Variants in KDELR2 observed in about 807,000 individuals in gnomAD.
KDELR2 encodes the protein ER lumen protein-retaining receptor 2.
KDELR2 carries 15 observed loss-of-function variants against 23.9 expected under a neutral mutation model. The ratio of observed to expected loss-of-function variants is 0.63; its 90% CI spans 0.42 to 0.97. The LOEUF (loss-of-function observed/expected upper bound fraction) is 0.97. Ranked by LOEUF, KDELR2 falls within the 50% of genes least tolerant of loss-of-function variation. The pLI is 0.00. For missense variants in KDELR2, 272 were observed against 254.6 expected (o/e 1.07, Z -0.46); for synonymous variants, 119 against 106.2 (o/e 1.12, Z -0.74).
Position 6,484,137 on chromosome 7 carries a change from A to G in KDELR2, c.-80T>C. 1 of 1,127,716 alleles carries G rather than the reference A, an allele frequency of 8.9e-7. No homozygotes were observed. The highest frequency in any genetic ancestry group is 1.1e-6 in the Non-Finnish European group (1 of 889,708). 69.9% of individuals were successfully genotyped at this position (1,127,716 alleles called of 1,614,324 possible). A position where few individuals can be genotyped will look rare whatever the true frequency, so the allele number is the denominator to read the frequency against. Reference sequence around the variant, plus strand: ...TCAGGAGGCGGCGGCCCCTGAGAGGAAGCGGCGAAGATGGCGAGATCGCCC... The same window carrying G: ...TCAGGAGGCGGCGGCCCCTGAGAGGGAGCGGCGAAGATGGCGAGATCGCCC... On this transcript the variant is annotated 5_prime_UTR_variant, in exon 1 of 5. Transcript: ENST00000258739.
At chr7:6,468,696 G>A (rs927933803) in intron 3 of KDELR2, among the ~76,000 whole-genome samples, 28 of 151,840 alleles carry the variant, frequency 1.8e-4, no homozygotes, top group African/African-American at 5.8e-4. Flanking sequence ...TAGTAGAGAC[G>A]GGGTTTCACC....
rs1383356627 is a variant in KDELR2 at position 6,481,968 on chromosome 7, C to CGTTT, written c.91+1995_91+1998dup. Among the ~76,000 whole-genome samples the CGTTT allele has an allele frequency of 2.2e-4, 31 of 142,616 alleles. No individual in the cohort carries two copies. The East Asian group carries it at 2.9e-3, about 14-fold the overall frequency. The allele number at this position is 142,616 out of a possible 152,430, so 93.6% of individuals were successfully genotyped here. A position where few individuals can be genotyped will look rare whatever the true frequency, so the allele number is the denominator to read the frequency against. ...AACAATAGCACCTACCTCCTAAGGTCGTTTATTTATTTATTTATTTATTTA... is the reference window on the plus strand; with the variant it reads ...AACAATAGCACCTACCTCCTAAGGTCGTTTGTTTATTTATTTATTTATTTATTTA... On this transcript the variant is annotated intron_variant, in intron 1 of 4. Transcript: ENST00000258739.
rs201529691 is a variant in KDELR2, at chr7:6,464,734, CTTT to C, written c.604+1334_604+1336del. Reference sequence around the variant, plus strand: ...ATAAGACATATATGCTCTTTTTTTTCTTTTTTTTTTTTTTTTTTGAGACAGAGT... The same window carrying C: ...ATAAGACATATATGCTCTTTTTTTTCTTTTTTTTTTTTTTTGAGACAGAGT... On this transcript the variant is annotated intron_variant, in intron 4 of 4. Transcript: ENST00000258739. Among the ~76,000 whole-genome samples the C allele has an allele frequency of 9.1e-3, 1,012 of 111,202 alleles. 19 individuals carry two copies. The highest frequency in any genetic ancestry group is 0.017 in the African/African-American group (534 of 30,532). The allele number at this position is 111,202 out of a possible 152,430, so 73.0% of individuals were successfully genotyped here. A position where few individuals can be genotyped will look rare whatever the true frequency, so the allele number is the denominator to read the frequency against.
At chr7:6,470,567 T>TTCATAAAGTA (rs1454236212) in intron 2 of KDELR2, among the ~76,000 whole-genome samples, 2 of 152,122 alleles carry the variant, frequency 1.3e-5, no homozygotes, top group Non-Finnish European at 2.9e-5. Context: ...GGTAAAATAA[T>TTCATAAAGTA]TCATAAAGTA....
rs774464723 is a variant in KDELR2 at position 6,462,997 on chromosome 7, G to A, written c.*144C>T. 2 of 1,614,042 alleles carry A rather than the reference G, an allele frequency of 1.2e-6. No homozygotes were observed. On this transcript the variant is annotated 3_prime_UTR_variant, in exon 5 of 5. Coordinates refer to ENST00000258739, the MANE Select transcript of KDELR2 (RefSeq NM_006854.4). ...AGAAACCTTCTGGCTCTTTTCCTCT[G>A]CGTTTTTACAGAGCCACTGATGACT...
intron 1 of KDELR2, chr7:6,482,628 G>C (rs1421005893): frequency 2.2e-6 from 1 of 462,750 alleles, no homozygotes; most frequent in East Asian, 7.0e-5. Flanking sequence ...TGTGACTTTA[G>C]ACGCCAAAAT....
chr7:6,475,897 G>A (rs988864733), intron 1 of KDELR2, among the ~76,000 whole-genome samples: 3 of 152,150 alleles, frequency 2.0e-5, no homozygotes, highest in Admixed American at 1.3e-4. Context: ...CCTCTGGAAC[G>A]TGAAAAGCAC....
At chr7:6,468,540 C>T (rs924168565) in intron 3 of KDELR2, among the ~76,000 whole-genome samples, 1 of 151,986 alleles carries the variant, frequency 6.6e-6, no homozygotes, top group African/African-American at 2.4e-5. Flanking sequence ...GCGTCTCGCT[C>T]TGTCGCCAAG....
In KDELR2 at chr7:6,471,126, A is replaced by AAAAT. The variant is rs143204446; in HGVS notation, c.193-1376_193-1373dup. Among the ~76,000 whole-genome samples the AAAAT allele has an allele frequency of 1.1e-3, 118 of 111,084 alleles. 1 individual carries two copies. Among genetic ancestry groups the AAAAT allele is most frequent in the South Asian group, 2.4e-3 (8 of 3,394 alleles). The allele number at this position is 111,084 out of a possible 152,430, so 72.9% of individuals were successfully genotyped here. A position where few individuals can be genotyped will look rare whatever the true frequency, so the allele number is the denominator to read the frequency against. ...ACTGACTCTGTCTCAAAAAAAATAA[A>AAAAT]AAATAAATAAATAAATAAATAAATA... On this transcript the variant is annotated intron_variant, in intron 2 of 4. Coordinates refer to ENST00000258739, the MANE Select transcript of KDELR2 (RefSeq NM_006854.4).
At chr7:6,465,575 T>A (rs971684176) in intron 4 of KDELR2, among the ~76,000 whole-genome samples, 2 of 152,050 alleles carry the variant, frequency 1.3e-5, no homozygotes, top group African/African-American at 4.8e-5. Context: ...CAAAAACACA[T>A]ATACACAAGG....
At chr7:6,465,487 G>GT (rs386709830) in intron 4 of KDELR2, among the ~76,000 whole-genome samples, 2,685 of 72,972 alleles carry the variant, frequency 0.037, 71 homozygotes, top group East Asian at 0.13. Context: ...TGGCATAAAT[G>GT]TTTTTTTTTT....
intron 4 of KDELR2, among the ~76,000 whole-genome samples, chr7:6,465,504 C>T (rs1451071748): frequency 5.3e-5 from 8 of 150,982 alleles, no homozygotes; most frequent in Non-Finnish European, 1.2e-4. Context: ...TTTTTCTGAA[C>T]AAGGATGATA....
chr7:6,466,012 A>T lies in KDELR2; in HGVS notation c.604+59T>A. ...GTGCCAGATTAGAAGAGTGCTGGGCAAGGGCACTCCTAAAAGAACACGTCA... is the reference window on the plus strand; with the variant it reads ...GTGCCAGATTAGAAGAGTGCTGGGCTAGGGCACTCCTAAAAGAACACGTCA... On this transcript the variant is annotated intron_variant, in intron 4 of 4. Transcript: ENST00000258739. 9 of 1,576,430 alleles carry T rather than the reference A, an allele frequency of 5.7e-6. No homozygotes were observed. The South Asian group carries it at 1.0e-4, about 18-fold the overall frequency.
chr7:6,467,460 A>G (rs6463561), intron 3 of KDELR2, among the ~76,000 whole-genome samples: 138,653 of 152,244 alleles, frequency 0.91, 63,683 homozygotes, highest in African/African-American at 0.96. Context: ...GTCCTTGAGT[A>G]TTTTAAAAGT....
chr7:6,481,364 T>C (rs1309838595), intron 1 of KDELR2, among the ~76,000 whole-genome samples: 1 of 29,290 alleles, frequency 3.4e-5, no homozygotes, highest in African/African-American at 9.2e-5. Context: ...AAAGTTCATC[T>C]CAAAAAAAAA....
At chr7:6,469,822 T>C (rs1345367203) in intron 2 of KDELR2, 68 bp from the exon 3 acceptor site, 2 of 1,366,824 alleles carry the variant, frequency 1.5e-6, no homozygotes, top group Non-Finnish European at 2.0e-6. Context: ...CCAGCTTTTT[T>C]AATCACCCAT....
chr7:6,476,502 T>A (rs1370823350), intron 1 of KDELR2, among the ~76,000 whole-genome samples: 1 of 152,224 alleles, frequency 6.6e-6, no homozygotes, highest in Non-Finnish European at 1.5e-5. Flanking sequence ...GCTTATTTCC[T>A]ATATGGTTCT....
Position 6,466,298 on chromosome 7 carries a change from A to T in KDELR2, c.377T>A (p.Leu126Gln). 1 of 1,614,028 alleles carries T rather than the reference A, an allele frequency of 6.2e-7. No homozygotes were observed. Among genetic ancestry groups the T allele is most frequent in the Non-Finnish European group, 8.5e-7 (1 of 1,180,004 alleles). The change falls in exon 4 of 5, where the codon CTG (leucine) becomes CAG (glutamine). Residue 126 changes from leucine (L) to glutamine (Q), a missense_variant. Coordinates refer to ENST00000258739, the MANE Select transcript of KDELR2 (RefSeq NM_006854.4). ...LEILWTFSIY[L>Q]ESVAILPQLF... Reference sequence around the variant, plus strand: ...CTGCGGAAGGATAGCCACGGACTCCAGGTAGATGGAGAAGGTCCAGAGGAT... The same window carrying T: ...CTGCGGAAGGATAGCCACGGACTCCTGGTAGATGGAGAAGGTCCAGAGGAT...
At chr7:6,481,137 G>A (rs146070524) in intron 1 of KDELR2, among the ~76,000 whole-genome samples, 3,396 of 152,240 alleles carry the variant, frequency 0.022, 118 homozygotes, top group African/African-American at 0.078. Flanking sequence ...TTGTGAGGCC[G>A]AAGCGGGCGG....
Sources: allele counts gnomAD v4.1 joint callset (sites outside exome capture counted in the v4.1 genomes callset), GRCh38; gene constraint gnomAD v4.1.1; transcripts MANE v1.5; gene names NCBI Gene and HGNC (gene_info 2026-07-23, HGNC 2026-07-21).